The following KIF1B variants were observed in gnomAD, a reference collection of about 807,000 sequenced individuals.
The protein encoded by KIF1B is kinesin family member 1B, also known as kinesin-like protein KIF1B.
Under a neutral mutation model 241.9 loss-of-function variants are expected in KIF1B, and 76 were observed. That is an observed-to-expected ratio of 0.31 (90% CI 0.26 to 0.38). The LOEUF is 0.38. KIF1B is among the 10% of genes least tolerant of loss of function. The probability of loss-of-function intolerance (pLI) is 1.00; values close to 1 mark genes in which losing one functional copy is unlikely to be tolerated. For synonymous variants in KIF1B, 750 were observed against 796.7 expected (o/e 0.94, Z 0.99); for missense variants, 1,622 against 2,271.4 (o/e 0.71, Z 5.81).
intron 22 of KIF1B, among the ~76,000 whole-genome samples, chr1:10,313,082 A>G (rs1167821806): frequency 1.3e-5 from 2 of 150,670 alleles, no homozygotes; most frequent in Non-Finnish European, 2.9e-5. Flanking sequence ...TTGTTTTTTT[A>G]TTGAGACAGA....
intron 9 of KIF1B, among the ~76,000 whole-genome samples, chr1:10,272,715 G>GTT (rs200198962): frequency 8.2e-5 from 11 of 134,594 alleles, no homozygotes; most frequent in Admixed American, 2.2e-4. Context: ...AGGGCCAGTA[G>GTT]TTTTTTTTTT....
chr1:10,362,848 A>C (rs1638461876), intron 40 of KIF1B, among the ~76,000 whole-genome samples: 1 of 152,148 alleles, frequency 6.6e-6, no homozygotes, highest in African/African-American at 2.4e-5. Flanking sequence ...AGGTGGAAGG[A>C]TCACTTGAGG....
chr1:10,217,074 A>G (rs915086190), intron 1 of KIF1B, among the ~76,000 whole-genome samples: 1 of 139,692 alleles, frequency 7.2e-6, no homozygotes, highest in African/African-American at 2.7e-5. Flanking sequence ...CCCGGATTCA[A>G]GTGATTCTCC....
intron 1 of KIF1B, among the ~76,000 whole-genome samples, chr1:10,212,064 A>G (rs1357587917): frequency 1.3e-5 from 2 of 152,148 alleles, no homozygotes; most frequent in African/African-American, 2.4e-5. Flanking sequence ...TTAGATTGTC[A>G]ACAGATCCCT....
At chr1:10,255,481 T>A (rs1647721420) in intron 2 of KIF1B, among the ~76,000 whole-genome samples, 1 of 152,052 alleles carries the variant, frequency 6.6e-6, no homozygotes, top group East Asian at 1.9e-4. Flanking sequence ...TCCCAGCTAC[T>A]CAGGAGGCTG....
chr1:10,286,199 C>G (rs1297771524), intron 15 of KIF1B, among the ~76,000 whole-genome samples: 1 of 152,172 alleles, frequency 6.6e-6, no homozygotes, highest in Non-Finnish European at 1.5e-5. Flanking sequence ...ACCACCACAT[C>G]TGGCTAATTT....
At chr1:10,313,665 C>G (rs983625078) in intron 22 of KIF1B, among the ~76,000 whole-genome samples, 2 of 147,912 alleles carry the variant, frequency 1.4e-5, no homozygotes, top group African/African-American at 5.1e-5. Context: ...ATTCTCCTGC[C>G]TCAGGCTCCC....
chr1:10,269,303 A>G (rs1648649417), intron 7 of KIF1B, among the ~76,000 whole-genome samples: 1 of 151,858 alleles, frequency 6.6e-6, no homozygotes, highest in South Asian at 2.1e-4. Context: ...TCAAGAGGTC[A>G]GGAGTTTGGG....
At chr1:10,313,741 G>A (rs554320194) in intron 22 of KIF1B, among the ~76,000 whole-genome samples, 14 of 150,702 alleles carry the variant, frequency 9.3e-5, no homozygotes, top group South Asian at 8.4e-4. Context: ...TAGTAGAGAC[G>A]GGGTTTCACC....
At chr1:10,211,719 T>C (rs529374304) in intron 1 of KIF1B, 5 of 152,146 alleles carry the variant, frequency 3.3e-5, no homozygotes, top group African/African-American at 1.2e-4. Flanking sequence ...TTTTCCTTGA[T>C]TGCTAAATGA....
intron 22 of KIF1B, among the ~76,000 whole-genome samples, chr1:10,315,675 C>T (rs1651272771): frequency 6.6e-6 from 1 of 151,426 alleles, no homozygotes. Context: ...TTTCATTATA[C>T]TGGTATTTTT....
At chr1:10,325,435 A>G (rs1450079685) in intron 26 of KIF1B, among the ~76,000 whole-genome samples, 1 of 152,092 alleles carries the variant, frequency 6.6e-6, no homozygotes, top group Non-Finnish European at 1.5e-5. Context: ...GTGTTCTTAG[A>G]GGTTTTCAAA....
intron 2 of KIF1B, among the ~76,000 whole-genome samples, chr1:10,246,563 GT>G (rs1322973659): frequency 6.6e-6 from 1 of 152,142 alleles, no homozygotes; most frequent in Non-Finnish European, 1.5e-5. Context: ...GGCCAACGTG[GT>G]GAAACCCCGT....
chr1:10,256,698 A>AT (rs1647802135), intron 3 of KIF1B, among the ~76,000 whole-genome samples: 3 of 149,148 alleles, frequency 2.0e-5, no homozygotes, highest in African/African-American at 7.4e-5. Flanking sequence ...CCAAATAATA[A>AT]TAATAATTAT....
At chr1:10,305,464 A>G (rs865963682) in intron 22 of KIF1B, 1 of 1,059,620 alleles carries the variant, frequency 9.4e-7, no homozygotes, top group Non-Finnish European at 1.1e-6. Context: ...AGAAATACCA[A>G]CAAAAAACTT....
chr1:10,275,401 C>G (rs779617935), intron 10 of KIF1B, 27 bp from the exon 11 acceptor site: 2 of 1,316,288 alleles, frequency 1.5e-6, no homozygotes, highest in Admixed American at 3.4e-5. Flanking sequence ...ACGAAAAATG[C>G]TAAGACCATT....
At chr1:10,247,243 C>G (rs1366392145) in intron 2 of KIF1B, among the ~76,000 whole-genome samples, 2 of 152,192 alleles carry the variant, frequency 1.3e-5, no homozygotes, top group Non-Finnish European at 2.9e-5. Context: ...GGCTAGCTAT[C>G]TGATTTCACA....
In KIF1B at chr1:10,323,917, C is replaced by G; in HGVS notation, c.2392C>G (p.Leu798Val). 1 of 1,614,120 alleles carries G rather than the reference C, an allele frequency of 6.2e-7. No individual in the cohort carries two copies. Among genetic ancestry groups the G allele is most frequent in the South Asian group, 1.1e-5 (1 of 91,084 alleles). The change falls in exon 25 of 49, where the codon CTG (leucine) becomes GTG (valine). Residue 798 changes from leucine to valine, a missense_variant. Physicochemically the swap from Leu to Val is conservative, Grantham distance 32. This residue lies in a region of KIF1B where 803 missense variants were observed against 1,112.0 expected (regional missense o/e 0.72). Coordinates refer to ENST00000676179, the MANE Select transcript of KIF1B (RefSeq NM_001365951.3). ...QFQFVLLTDT[L>V]YSPLPPELLP... Reference sequence around the variant, plus strand: ...TCAGTTTGTTCTGCTGACTGACACACTGTACTCCCCTTTGCCTCCTGAATT... The same window carrying G: ...TCAGTTTGTTCTGCTGACTGACACAGTGTACTCCCCTTTGCCTCCTGAATT...
rs780521474 is a variant in KIF1B at position 10,347,776 on chromosome 1, G to A, written c.3813G>A (p.Val1271=). ...TATTTTTTAGGTATATCCCAGCTGT[G>A]GTTGACCACACAGCAGGCTTGCCTT... ...LEPTGEYIPA[V]VDHTAGLPCQ... Residue 1271 remains valine, a synonymous_variant, in exon 36 of 49, where the codon GTG becomes GTA. Coordinates refer to ENST00000676179, the MANE Select transcript of KIF1B (RefSeq NM_001365951.3). 8.7e-6 allele frequency: 14 copies of A among 1,613,098 alleles called. No homozygotes were observed. The South Asian group carries it at 1.3e-4, about 15-fold the overall frequency.
Sources: gnomAD v4.1 joint callset for allele counts (sites outside exome capture counted in the v4.1 genomes callset) on GRCh38, gnomAD v4.1.1 for gene constraint, gnomAD v4.1.1 regional missense constraint, MANE v1.5 for transcripts, NCBI Gene and HGNC (gene_info 2026-07-23, HGNC 2026-07-21) for gene names.